The following CROCC2 variants were observed in gnomAD, a reference collection of about 807,000 sequenced individuals.
CROCC2 encodes ciliary rootlet coiled-coil, rootletin family member 2.
Under a neutral mutation model 177.6 loss-of-function variants are expected in CROCC2, and 163 were observed. That is an observed-to-expected ratio of 0.92 (90% CI 0.81 to 1.05). The LOEUF is 1.05. CROCC2 is among the 50% of genes least tolerant of loss of function. The pLI, the probability that CROCC2 is intolerant of heterozygous loss-of-function variation, is 0.00. For synonymous variants in CROCC2, 904 were observed against 787.3 expected (o/e 1.15, Z -2.48); for missense variants, 1,929 against 1,797.8 (o/e 1.07, Z -1.32).
intron 20 of CROCC2, among the ~76,000 whole-genome samples, chr2:240,961,278 C>T (rs1355650853): frequency 1.3e-5 from 2 of 151,996 alleles, no homozygotes; most frequent in East Asian, 1.9e-4. Flanking sequence ...CCACACACAC[C>T]GGTGTACACT....
intron 7 of CROCC2, among the ~76,000 whole-genome samples, chr2:240,931,837 G>A (rs1371776668): frequency 3.3e-5 from 5 of 152,224 alleles, no homozygotes. Context: ...AGGACATGGG[G>A]GCCCAACGGT....
chr2:240,990,941 G>A (rs893020362), intron 30 of CROCC2, among the ~76,000 whole-genome samples: 2 of 152,246 alleles, frequency 1.3e-5, no homozygotes, highest in African/African-American at 2.4e-5. Flanking sequence ...CCAAGGGTGC[G>A]CGGTGGCCAT....
At chr2:240,969,536 A>G (rs564517944) in intron 27 of CROCC2, among the ~76,000 whole-genome samples, 2 of 152,268 alleles carry the variant, frequency 1.3e-5, no homozygotes, top group Admixed American at 1.3e-4. Flanking sequence ...GGAAAGACCC[A>G]GGCGGCCTGG....
chr2:240,963,571 G>A lies in CROCC2; in HGVS notation c.3103G>A (p.Ala1035Thr), dbSNP rs1559607373. The A allele has an allele frequency of 6.5e-6, 10 of 1,544,278 alleles. No homozygotes were observed. The highest frequency in any genetic ancestry group is 7.0e-6 in the Non-Finnish European group (8 of 1,143,986). Reference sequence around the variant, plus strand: ...TCCTCCCCAGGCTGAGAGGCTGCGGGCACAGCTGACCGTGGCCCAGGAGGG... The same window carrying A: ...TCCTCCCCAGGCTGAGAGGCTGCGGACACAGCTGACCGTGGCCCAGGAGGG... ...DVEREAERLRAQLTVAQEGLA... is the reference protein window; with the variant it reads ...DVEREAERLRTQLTVAQEGLA... Residue 1035 changes from alanine (A) to threonine (T), a missense_variant, in exon 21 of 32, where the codon GCA (alanine) becomes ACA (threonine). Physicochemically the swap from Ala to Thr is moderately conservative, Grantham distance 58. This residue lies in a region of CROCC2 where 1,397 missense variants were observed against 1,239.9 expected (regional missense o/e 1.13). Transcript: ENST00000690015.
At chr2:240,919,030 C>T (rs13036174) in intron 2 of CROCC2, among the ~76,000 whole-genome samples, 154 bp downstream of exon 2, 66 of 25,570 alleles carry the variant, frequency 2.6e-3, no homozygotes, top group African/African-American at 7.4e-3. Context: ...AGTCCTGGGC[C>T]CGGGGCTGGG....
intron 15 of CROCC2, among the ~76,000 whole-genome samples, 167 bp downstream of exon 15, chr2:240,946,420 G>C (rs530257962): frequency 2.8e-4 from 43 of 152,370 alleles, no homozygotes; most frequent in African/African-American, 9.9e-4. Context: ...CTTTGGGTTG[G>C]GGGAGGGCAT....
chr2:240,912,683 A>C (rs2059295939), intron 1 of CROCC2, among the ~76,000 whole-genome samples: 3 of 152,120 alleles, frequency 2.0e-5, no homozygotes, highest in Admixed American at 2.0e-4. Context: ...AAATTCATTA[A>C]ATCACTGGCC....
chr2:240,933,796 G>A lies in CROCC2; in HGVS notation c.1590G>A (p.Glu530=). ...AGAGAAGCCTCCTGCTGCAGGCAGA[G>A]CGGAGGGAGGAGCTGGCTCTGCGGA... ...ELQRSLLLQA[E]RREELALRRE... is the part of the protein sequence containing the mutation. The change falls in exon 11 of 32, where the codon GAG becomes GAA. Residue 530 remains glutamate, a synonymous_variant. Coordinates refer to ENST00000690015, the MANE Select transcript of CROCC2 (RefSeq NM_001351305.2). 1 of 1,548,854 alleles carries A rather than the reference G, an allele frequency of 6.5e-7. No individual in the cohort carries two copies. Among genetic ancestry groups the A allele is most frequent in the South Asian group, 1.2e-5 (1 of 83,982 alleles).
intron 27 of CROCC2, among the ~76,000 whole-genome samples, chr2:240,974,645 C>G (rs1023799809): frequency 1.3e-5 from 2 of 150,026 alleles, no homozygotes; most frequent in South Asian, 4.2e-4. Context: ...GCTGGGATTA[C>G]AGGCATGAGC....
chr2:240,963,654 C>A lies in CROCC2; in HGVS notation c.3186C>A (p.His1062Gln). Reference sequence around the variant, plus strand: ...TCGAGGAGAGCCGGGAGGGGCTGCACAGGGAGGCCCAGGAGGCCCGCCGGG... The same window carrying A: ...TCGAGGAGAGCCGGGAGGGGCTGCAAAGGGAGGCCCAGGAGGCCCGCCGGG... The part of the protein sequence containing the change: ...QGVEESREGL[H>Q]REAQEARRAL... The change falls in exon 21 of 32, where the codon CAC (histidine) becomes CAA (glutamine). Residue 1062 changes from histidine to glutamine, a missense_variant. Physicochemically the swap from His to Gln is conservative, Grantham distance 24. Transcript: ENST00000690015. 1 of 1,549,952 alleles carries A rather than the reference C, an allele frequency of 6.5e-7. No homozygotes were observed. The highest frequency in any genetic ancestry group is 8.7e-7 in the Non-Finnish European group (1 of 1,146,766).
chr2:240,992,975 T>G, intron 31 of CROCC2, 91 bp from the exon 32 acceptor site: 1 of 684,374 alleles, frequency 1.5e-6, no homozygotes, highest in East Asian at 2.8e-5. Context: ...GGCAGGAGAC[T>G]CAGCATCGGT....
intron 14 of CROCC2, among the ~76,000 whole-genome samples, chr2:240,942,703 T>C (rs2106466307): frequency 6.6e-6 from 1 of 152,300 alleles, no homozygotes; most frequent in South Asian, 2.1e-4. Context: ...TTTGTAACTG[T>C]ACTTCAGTCT....
At chr2:240,934,625 G>T in intron 12 of CROCC2, 150 bp downstream of exon 12, 1 of 879,554 alleles carries the variant, frequency 1.1e-6, no homozygotes, top group Non-Finnish European at 1.7e-6. Context: ...GTTCTCTCCC[G>T]TCCCCAACCA....
At chr2:240,952,066 C>G (rs1401801643) in intron 18 of CROCC2, among the ~76,000 whole-genome samples, 2 of 152,118 alleles carry the variant, frequency 1.3e-5, no homozygotes, top group African/African-American at 4.8e-5. Flanking sequence ...AAATTACAGG[C>G]CGGGTGCTGT....
rs773365357 is a variant in CROCC2 at position 240,906,546 on chromosome 2, G to A, written c.33G>A (p.Gly11=). 5.0e-6 allele frequency: 2 copies of A among 399,032 alleles called. No homozygotes were observed. The highest frequency in any genetic ancestry group is 3.6e-5 in the East Asian group (1 of 28,086). 24.7% of individuals were successfully genotyped at this position (399,032 alleles called of 1,614,324 possible). The change falls in exon 1 of 32, where the codon GGG becomes GGA. Residue 11 remains glycine, a synonymous_variant. Coordinates refer to ENST00000690015, the MANE Select transcript of CROCC2 (RefSeq NM_001351305.2). The part of the protein sequence containing the change: MSSASSEPGN[G]DASQQPLLGL... Reference sequence around the variant, plus strand: ...CTGCCTCCAGTGAGCCTGGCAATGGGGACGCCTCCCAACAGCCCCTACTGG... The same window carrying A: ...CTGCCTCCAGTGAGCCTGGCAATGGAGACGCCTCCCAACAGCCCCTACTGG...
intron 14 of CROCC2, among the ~76,000 whole-genome samples, chr2:240,936,005 A>C (rs181888201): frequency 1.2e-3 from 178 of 142,774 alleles, no homozygotes; most frequent in Non-Finnish European, 2.1e-3. Context: ...AGGAAGCTCA[A>C]CTCACTGGAG....
In CROCC2 at chr2:240,982,973, A is replaced by C; in HGVS notation, c.4495A>C (p.Thr1499Pro). Residue 1499 changes from threonine (T) to proline (P), a missense_variant, in exon 28 of 32, where the codon ACC (threonine) becomes CCC (proline). Transcript: ENST00000690015. The surrounding 1 kb of genome is among the most constrained non-coding windows in gnomAD (Gnocchi z 4.7). ...KQGKLLEEQLTNLEHRCQKAE... is the reference protein window; with the variant it reads ...KQGKLLEEQLPNLEHRCQKAE... ...GGGGAAGCTGCTGGAAGAACAGCTC[A>C]CCAACTTGGAGCACAGGTGCCAGAA... is the stretch of plus-strand genomic sequence containing the variant. The C allele has an allele frequency of 2.6e-6, 4 of 1,550,466 alleles. No individual in the cohort carries two copies. Among genetic ancestry groups the C allele is most frequent in the Non-Finnish European group, 3.5e-6 (4 of 1,146,956 alleles).
intron 4 of CROCC2, among the ~76,000 whole-genome samples, chr2:240,925,195 C>G (rs1257362862): frequency 6.6e-6 from 1 of 152,198 alleles, no homozygotes; most frequent in Non-Finnish European, 1.5e-5. Context: ...AAAAATAACC[C>G]AAGAGGAGGC....
intron 30 of CROCC2, among the ~76,000 whole-genome samples, chr2:240,990,765 G>A (rs2059873544): frequency 6.6e-6 from 1 of 152,140 alleles, no homozygotes; most frequent in Non-Finnish European, 1.5e-5. Flanking sequence ...TGTATTGTTA[G>A]TAGAGACGGG....
Sources: allele counts gnomAD v4.1 joint callset (sites outside exome capture counted in the v4.1 genomes callset), GRCh38; gene constraint gnomAD v4.1.1; regional missense constraint gnomAD v4.1.1; non-coding constraint Gnocchi (gnomAD v3.1); transcripts MANE v1.5; gene names NCBI Gene and HGNC (gene_info 2026-07-23, HGNC 2026-07-21).